Variants in SLC41A2 observed in about 807,000 individuals in gnomAD.
SLC41A2 encodes the protein SLC41A1-like 1.
SLC41A2 carries 32 observed loss-of-function variants against 58.3 expected under a neutral mutation model. That is an observed-to-expected ratio of 0.55 (90% CI 0.41 to 0.74). The LOEUF is 0.74. Ranked by LOEUF, SLC41A2 falls within the 30% of genes least tolerant of loss-of-function variation. SLC41A2 has a pLI of 0.00. For synonymous variants in SLC41A2, 190 were observed against 235.0 expected (o/e 0.81, Z 1.75); for missense variants, 514 against 680.6 (o/e 0.76, Z 2.72).
At chr12:104,861,231 CT>C in intron 8 of SLC41A2, 59 bp downstream of exon 8, 1 of 1,275,248 alleles carries the variant, frequency 7.8e-7, no homozygotes, top group Non-Finnish European at 1.1e-6. Context: ...CTAATAGTAC[CT>C]AAGACTAAGA....
intron 1 of SLC41A2, among the ~76,000 whole-genome samples, chr12:104,956,120 C>A (rs1329796994): frequency 6.6e-6 from 1 of 152,166 alleles, no homozygotes; most frequent in African/African-American, 2.4e-5. Flanking sequence ...TAAGGGTGGT[C>A]TCTCTTGACT....
At chr12:104,851,347 T>TATGA (rs2042791278) in intron 8 of SLC41A2, among the ~76,000 whole-genome samples, 1 of 152,146 alleles carries the variant, frequency 6.6e-6, no homozygotes, top group Non-Finnish European at 1.5e-5. Context: ...TGAAAGAGAA[T>TATGA]AAATCATTTG....
chr12:104,865,081 T>C (rs1275337627), intron 7 of SLC41A2, among the ~76,000 whole-genome samples: 1 of 152,204 alleles, frequency 6.6e-6, no homozygotes, highest in Admixed American at 6.5e-5. Context: ...GGTGGGTTTG[T>C]AGCTCTTTCA....
chr12:104,951,494 T>C (rs2047952382), intron 1 of SLC41A2: 1 of 152,138 alleles, frequency 6.6e-6, no homozygotes, highest in African/African-American at 2.4e-5. Context: ...TCCTTACCTT[T>C]TATGAACTGT....
intron 1 of SLC41A2, among the ~76,000 whole-genome samples, chr12:104,942,396 T>C (rs112180088): frequency 0.038 from 5,778 of 151,190 alleles, 152 homozygotes; most frequent in East Asian, 0.11. Context: ...GAGGATCACC[T>C]GAGCCTGAGA....
intron 8 of SLC41A2, 25 bp from the exon 9 acceptor site, chr12:104,845,999 A>G (rs1348844599): frequency 6.2e-7 from 1 of 1,606,440 alleles, no homozygotes. Flanking sequence ...AAAACAAAGT[A>G]GCAATCCTCA....
intron 3 of SLC41A2, among the ~76,000 whole-genome samples, chr12:104,899,352 C>T (rs1405403514): frequency 6.6e-6 from 1 of 152,160 alleles, no homozygotes; most frequent in Non-Finnish European, 1.5e-5. Context: ...TTTCTTTCCA[C>T]ATCTAGTGAT....
chr12:104,896,554 A>G (rs2045288627), intron 3 of SLC41A2, among the ~76,000 whole-genome samples: 1 of 152,156 alleles, frequency 6.6e-6, no homozygotes, highest in Non-Finnish European at 1.5e-5. Context: ...AATTAGTGTT[A>G]TTTTTTAATA....
intron 1 of SLC41A2, among the ~76,000 whole-genome samples, chr12:104,953,557 G>A (rs1832653113): frequency 6.6e-6 from 1 of 152,176 alleles, no homozygotes; most frequent in Non-Finnish European, 1.5e-5. Flanking sequence ...GTGCCCTCAA[G>A]GAGAGAAAGT....
rs201352079 is a variant in SLC41A2, at chr12:104,805,272, C to T, written c.1602G>A (p.Pro534=). Reference sequence around the variant, plus strand: ...TTAGGTAGGGGATGGAGAAACTATCCGGGTCCTTTCCTTTCCTCCAGAAGT... The same window carrying T: ...TTAGGTAGGGGATGGAGAAACTATCTGGGTCCTTTCCTTTCCTCCAGAAGT... ...VHHFWRKGKD[P]DSFSIPYLTA... The change falls in exon 11 of 11, where the codon CCG becomes CCA. Residue 534 remains proline (P), a synonymous_variant. Transcript: ENST00000258538. 996 of 1,613,752 alleles carry T rather than the reference C, an allele frequency of 6.2e-4. No homozygotes were observed. Among genetic ancestry groups the T allele is most frequent in the Non-Finnish European group, 8.2e-4 (973 of 1,179,846 alleles).
At chr12:104,891,751 A>G (rs887845794) in intron 4 of SLC41A2, among the ~76,000 whole-genome samples, 5 of 151,990 alleles carry the variant, frequency 3.3e-5, no homozygotes, top group Non-Finnish European at 5.9e-5. Context: ...AAAGAAGTCA[A>G]ATTATCCTTA....
At chr12:104,906,170 A>G (rs1045116619) in intron 3 of SLC41A2, among the ~76,000 whole-genome samples, 3 of 152,250 alleles carry the variant, frequency 2.0e-5, no homozygotes, top group African/African-American at 7.2e-5. Context: ...CAAATGGTCA[A>G]GTGTTGAAAT....
rs34984157 is a variant in SLC41A2, at chr12:104,866,587, T to TAAAAAAAA, written c.1028-16_1028-9dup. ...AAATGTAGTAATAGGTCTCTAAAAT[T>TAAAAAAAA]AAAAAAAAAAAAAAAAAGAGAGACA... On this transcript the variant is annotated splice_polypyrimidine_tract_variant and intron_variant, in intron 6 of 10. Transcript: ENST00000258538. 2 of 1,340,024 alleles carry TAAAAAAAA rather than the reference T, an allele frequency of 1.5e-6. No homozygotes were observed. The highest frequency in any genetic ancestry group is 1.0e-6 in the Non-Finnish European group (1 of 1,002,898). The allele number at this position is 1,340,024 out of a possible 1,614,324, so 83.0% of individuals were successfully genotyped here. A position where few individuals can be genotyped will look rare whatever the true frequency, so the allele number is the denominator to read the frequency against.
At chr12:104,858,374 A>T (rs1381964906) in intron 8 of SLC41A2, among the ~76,000 whole-genome samples, 2 of 152,200 alleles carry the variant, frequency 1.3e-5, no homozygotes, top group East Asian at 3.8e-4. Flanking sequence ...CTCACCACTT[A>T]CAAGATAAGA....
intron 2 of SLC41A2, among the ~76,000 whole-genome samples, chr12:104,921,355 A>C (rs1430569495): frequency 6.6e-6 from 1 of 152,144 alleles, no homozygotes; most frequent in Admixed American, 6.5e-5. Flanking sequence ...AAAGTCAAAG[A>C]GAGAGAATCC....
At chr12:104,886,097 T>G (rs2044645985) in intron 6 of SLC41A2, among the ~76,000 whole-genome samples, 196 bp downstream of exon 6, 1 of 152,106 alleles carries the variant, frequency 6.6e-6, no homozygotes, top group South Asian at 2.1e-4. Flanking sequence ...TTTACAGAGT[T>G]TTAAACTCTA....
chr12:104,950,998 C>T (rs1369283462), intron 1 of SLC41A2, among the ~76,000 whole-genome samples: 1 of 151,966 alleles, frequency 6.6e-6, no homozygotes, highest in African/African-American at 2.4e-5. Flanking sequence ...TTTTTTGATT[C>T]TACATATTTT....
intron 1 of SLC41A2, among the ~76,000 whole-genome samples, chr12:104,935,554 C>T (rs186285719): frequency 7.6e-4 from 116 of 152,142 alleles, no homozygotes; most frequent in Middle Eastern, 3.4e-3. Context: ...AAGCATGACT[C>T]AAAAATCCTG....
chr12:104,886,503 C>G, intron 5 of SLC41A2, 64 bp from the exon 6 acceptor site: 1 of 1,531,362 alleles, frequency 6.5e-7, no homozygotes. Context: ...CCCCCAAATA[C>G]CAAAATGTGT....
Sources: gnomAD v4.1 joint callset for allele counts (sites outside exome capture counted in the v4.1 genomes callset) on GRCh38, gnomAD v4.1.1 for gene constraint, MANE v1.5 for transcripts, NCBI Gene and HGNC (gene_info 2026-07-23, HGNC 2026-07-21) for gene names.